The following TMEM132C variants were observed in gnomAD, a reference collection of about 807,000 sequenced individuals.
TMEM132C encodes transmembrane protein 132C, also known as protein phosphatase 1, regulatory subunit 152.
TMEM132C carries 29 observed loss-of-function variants against 61.4 expected under a neutral mutation model. That is an observed-to-expected ratio of 0.47 (90% CI 0.35 to 0.64). TMEM132C has a LOEUF of 0.64. Ranked by LOEUF, TMEM132C falls within the 30% of genes least tolerant of loss-of-function variation. TMEM132C has a pLI of 0.00. For synonymous variants in TMEM132C, 656 were observed against 633.1 expected, an observed-to-expected ratio of 1.04 and a Z score of -0.54; for missense variants, 1,408 against 1,476.9, an observed-to-expected ratio of 0.95 and a Z score of 0.76.
At chr12:128,540,865 C>T (rs1873712975) in intron 2 of TMEM132C, among the ~76,000 whole-genome samples, 1 of 152,154 alleles carries the variant, frequency 6.6e-6, no homozygotes, top group Admixed American at 6.5e-5. Flanking sequence ...CGAGGGCTCA[C>T]TCCCCAGGAC....
At position 128,700,948 on chromosome 12, in the gene TMEM132C, G is replaced by A. The variant is rs377609497; in HGVS notation, c.2121+3533G>A. Among the ~76,000 whole-genome samples, 4 of 152,298 alleles carry A rather than the reference G, an allele frequency of 2.6e-5. No homozygotes were observed. In the East Asian group the frequency reaches 7.7e-4, roughly 29 times the overall value. On this transcript the variant is annotated intron_variant, in intron 8 of 8. Transcript: ENST00000435159. Reference sequence around the variant, plus strand: ...TATTCAGGTGGTGAAGACAATACCAGTAGAGAAGTCGGGGGTGATGGAAGG... The same window carrying A: ...TATTCAGGTGGTGAAGACAATACCAATAGAGAAGTCGGGGGTGATGGAAGG...
At position 128,267,336 on chromosome 12, in the gene TMEM132C, G is replaced by A. The variant is rs1870339202; in HGVS notation, c.-67G>A. 2.1e-6 allele frequency: 2 copies of A among 961,146 alleles called. No homozygotes were observed. The highest frequency in any genetic ancestry group is 1.2e-6 in the Non-Finnish European group (1 of 808,732). 59.5% of individuals were successfully genotyped at this position (961,146 alleles called of 1,614,324 possible). On this transcript the variant is annotated 5_prime_UTR_variant, in exon 1 of 9. Coordinates refer to ENST00000435159, the MANE Select transcript of TMEM132C (RefSeq NM_001136103.3). ...AGTGGCCCCGGGCATGGGGCGGCCG[G>A]CGGGGGCCGCGGGCGGGCGCTGCGC...
At chr12:128,614,302 A>G (rs1241194990) in intron 3 of TMEM132C, among the ~76,000 whole-genome samples, 1 of 152,264 alleles carries the variant, frequency 6.6e-6, no homozygotes, top group African/African-American at 2.4e-5. Flanking sequence ...CAATTACTCA[A>G]CCATGTTCTT....
chr12:128,576,571 A>G (rs991875645), intron 3 of TMEM132C, among the ~76,000 whole-genome samples: 9 of 152,234 alleles, frequency 5.9e-5, no homozygotes, highest in Admixed American at 2.6e-4. Context: ...CAATGATAAT[A>G]GCGACATGCT....
At chr12:128,473,122 G>A (rs112406864) in intron 2 of TMEM132C, among the ~76,000 whole-genome samples, 1,516 of 122,058 alleles carry the variant, frequency 0.012, 8 homozygotes, top group Middle Eastern at 0.028. Context: ...CTTCACTCCA[G>A]CCTCCATCTT....
At chr12:128,682,947 C>T (rs1047337979) in intron 5 of TMEM132C, among the ~76,000 whole-genome samples, 2 of 152,290 alleles carry the variant, frequency 1.3e-5, no homozygotes, top group Non-Finnish European at 2.9e-5. Context: ...GAGGCATCAC[C>T]GCATTCTCTG....
In TMEM132C at chr12:128,267,444, G is replaced by A; in HGVS notation, c.42G>A (p.Leu14=). The A allele has an allele frequency of 7.9e-7, 1 of 1,262,980 alleles. No individual in the cohort carries two copies. 78.2% of individuals were successfully genotyped at this position (1,262,980 alleles called of 1,614,324 possible). ...CGGCCCCCGGGCCGGCGGCGCCGCT[G>A]TGCGGGGCGCTGAGCCTGCTGCTGG... ...EGAAPGPAAP[L]CGALSLLLGA... Residue 14 remains leucine, a synonymous_variant, in exon 1 of 9, where the codon CTG becomes CTA. Transcript: ENST00000435159.
intron 1 of TMEM132C, among the ~76,000 whole-genome samples, chr12:128,409,166 C>T (rs1380470575): frequency 2.0e-5 from 3 of 152,132 alleles, no homozygotes; most frequent in African/African-American, 7.2e-5. Context: ...AGTTCTTAGC[C>T]GTGCCCTCAT....
chr12:128,686,301 C>A (rs78628403), intron 5 of TMEM132C, among the ~76,000 whole-genome samples: 6,137 of 152,234 alleles, frequency 0.04, 348 homozygotes, highest in African/African-American at 0.12. Flanking sequence ...CAACATTCTA[C>A]CCCGTTGATG....
At chr12:128,379,194 G>A (rs1443301078) in intron 1 of TMEM132C, among the ~76,000 whole-genome samples, 1 of 152,240 alleles carries the variant, frequency 6.6e-6, no homozygotes, top group African/African-American at 2.4e-5. Context: ...GCCATCAGAT[G>A]GGGTTGGGTT....
intron 2 of TMEM132C, among the ~76,000 whole-genome samples, chr12:128,526,523 G>C (rs1435651214): frequency 2.0e-5 from 3 of 152,220 alleles, no homozygotes; most frequent in Admixed American, 2.0e-4. Flanking sequence ...TTCAACACAT[G>C]AGTTGGGGAT....
chr12:128,614,594 A>T (rs1313872774), intron 3 of TMEM132C, among the ~76,000 whole-genome samples: 1 of 152,228 alleles, frequency 6.6e-6, no homozygotes, highest in Non-Finnish European at 1.5e-5. Flanking sequence ...CTAGCCAGAT[A>T]TGTGGTTGTG....
At chr12:128,542,740 A>G (rs1438552956) in intron 2 of TMEM132C, among the ~76,000 whole-genome samples, 1 of 151,452 alleles carries the variant, frequency 6.6e-6, no homozygotes, top group Non-Finnish European at 1.5e-5. Flanking sequence ...AGGTGCCTGT[A>G]GTCCCAGCTA....
At chr12:128,287,831 C>A (rs1323963767) in intron 1 of TMEM132C, among the ~76,000 whole-genome samples, 1 of 152,120 alleles carries the variant, frequency 6.6e-6, no homozygotes, top group Non-Finnish European at 1.5e-5. Context: ...AATTTCTCAG[C>A]CTTTTTTTGT....
chr12:128,500,703 C>G (rs1183851400), intron 2 of TMEM132C, among the ~76,000 whole-genome samples: 1 of 152,088 alleles, frequency 6.6e-6, no homozygotes, highest in East Asian at 1.9e-4. Context: ...TGGGAAGAAA[C>G]TGAAACATTC....
rs372811916 is a variant in TMEM132C, at chr12:128,635,462, CTTTTTT to C, written c.1305+19138_1305+19143del. 8.4e-5 allele frequency among the ~76,000 whole-genome samples: 11 copies of C among 130,438 alleles called. No individual in the cohort carries two copies. The East Asian group carries it at 9.5e-4, about 11-fold the overall frequency. 85.6% of individuals were successfully genotyped at this position (130,438 alleles called of 152,430 possible). On this transcript the variant is annotated intron_variant, in intron 4 of 8. Transcript: ENST00000435159. ...AATAGCTAGATGAAATGAGTTTTTT[CTTTTTT>C]TTTTTTTTTTGGTTTCTATCTGGAT...
At position 128,544,007 on chromosome 12, in the gene TMEM132C, C is replaced by T. The variant is rs1326689389; in HGVS notation, c.1025C>T (p.Pro342Leu). Residue 342 changes from proline (P) to leucine (L), a missense_variant, in exon 3 of 9, where the codon CCC becomes CTC. Physicochemically the swap from Pro to Leu is moderately conservative, Grantham distance 98 (BLOSUM62 -3). Coordinates refer to ENST00000435159, the MANE Select transcript of TMEM132C (RefSeq NM_001136103.3). Reference protein sequence around the residue: ...VNILSAQTREPRQWGVKQEVG... With the variant: ...VNILSAQTRELRQWGVKQEVG... Reference sequence around the variant, plus strand: ...ATCCTGAGTGCTCAGACCCGTGAGCCCCGGCAGTGGGGCGTCAAGCAGGAG... The same window carrying T: ...ATCCTGAGTGCTCAGACCCGTGAGCTCCGGCAGTGGGGCGTCAAGCAGGAG... 1.3e-6 allele frequency: 2 copies of T among 1,549,192 alleles called. No homozygotes were observed. Among genetic ancestry groups the T allele is most frequent in the East Asian group, 2.5e-5 (1 of 40,700 alleles).
At chr12:128,646,873 G>A (rs1324329904) in intron 4 of TMEM132C, among the ~76,000 whole-genome samples, 6 of 151,634 alleles carry the variant, frequency 4.0e-5, no homozygotes, top group Admixed American at 6.6e-5. Context: ...TTGGATGAAT[G>A]TGTTTACTGG....
chr12:128,621,073 G>A (rs1953959021), intron 4 of TMEM132C, among the ~76,000 whole-genome samples: 1 of 152,064 alleles, frequency 6.6e-6, no homozygotes, highest in African/African-American at 2.4e-5. Flanking sequence ...TCCCGTGACT[G>A]GTTTGCCCTT....
Sources: allele counts gnomAD v4.1 joint callset (sites outside exome capture counted in the v4.1 genomes callset), GRCh38; gene constraint gnomAD v4.1.1; transcripts MANE v1.5; gene names NCBI Gene and HGNC (gene_info 2026-07-23, HGNC 2026-07-21).